The following THSD7A variants were observed in gnomAD, a reference collection of about 807,000 sequenced individuals.
THSD7A encodes the protein thrombospondin type-1 domain-containing protein 7A.
A neutral mutation model predicts 231.3 loss-of-function variants in THSD7A; 96 were observed. The ratio of observed to expected loss-of-function variants is 0.41; its 90% CI spans 0.35 to 0.49. THSD7A has a LOEUF of 0.49. THSD7A is among the 20% of genes least tolerant of loss of function. THSD7A has a pLI of 0.05. For synonymous variants in THSD7A, 940 were observed against 743.3 expected (o/e 1.26, Z -4.30); for missense variants, 2,290 against 2,070.2 (o/e 1.11, Z -2.06).
chr7:11,824,842 T>TGATA (rs1478936265), intron 1 of THSD7A, among the ~76,000 whole-genome samples: 1 of 152,114 alleles, frequency 6.6e-6, no homozygotes, highest in Non-Finnish European at 1.5e-5. Context: ...AATTGAGAAT[T>TGATA]GATAGGTGAC....
At chr7:11,389,305 C>T (rs1317141409) in intron 23 of THSD7A, among the ~76,000 whole-genome samples, 3 of 151,568 alleles carry the variant, frequency 2.0e-5, no homozygotes, top group Non-Finnish European at 2.9e-5. Flanking sequence ...ATATTTAAGA[C>T]AGTTAGCTGT....
chr7:11,817,047 A>G (rs1784723763), intron 1 of THSD7A, among the ~76,000 whole-genome samples: 1 of 152,234 alleles, frequency 6.6e-6, no homozygotes, highest in African/African-American at 2.4e-5. Flanking sequence ...AATGGACATG[A>G]AATAGTTGAA....
At chr7:11,556,444 C>T (rs968086584) in intron 4 of THSD7A, among the ~76,000 whole-genome samples, 3 of 151,636 alleles carry the variant, frequency 2.0e-5, no homozygotes, top group African/African-American at 2.4e-5. Context: ...ATATCGTCTA[C>T]GTATTTTTAG....
At chr7:11,464,885 CAA>C (rs1643875306) in intron 9 of THSD7A, among the ~76,000 whole-genome samples, 1 of 152,116 alleles carries the variant, frequency 6.6e-6, no homozygotes, top group African/African-American at 2.4e-5. Context: ...CTTGTGTACT[CAA>C]AGTTACAGCG....
intron 1 of THSD7A, among the ~76,000 whole-genome samples, chr7:11,673,906 C>A (rs1436545149): frequency 6.6e-6 from 1 of 152,048 alleles, no homozygotes; most frequent in Non-Finnish European, 1.5e-5. Context: ...TCCATGGATA[C>A]CTGCTAGGCT....
chr7:11,777,453 ACACACACT>A (rs1359182251), intron 1 of THSD7A, among the ~76,000 whole-genome samples: 1 of 111,642 alleles, frequency 9.0e-6, no homozygotes, highest in Non-Finnish European at 1.9e-5. Flanking sequence ...ACACACACAC[ACACACACT>A]CTTTAACTGG....
intron 1 of THSD7A, among the ~76,000 whole-genome samples, chr7:11,818,953 A>T (rs368505136): frequency 6.6e-6 from 1 of 152,002 alleles, no homozygotes; most frequent in Non-Finnish European, 1.5e-5. Context: ...TGTGCAGCAC[A>T]CTCTGGACTG....
intron 24 of THSD7A, among the ~76,000 whole-genome samples, chr7:11,381,828 G>A (rs1212853105): frequency 6.6e-6 from 1 of 152,148 alleles, no homozygotes; most frequent in South Asian, 2.1e-4. Flanking sequence ...CCTTCAAGGG[G>A]TCCTTAGGAT....
At chr7:11,763,549 A>G (rs1782932046) in intron 1 of THSD7A, among the ~76,000 whole-genome samples, 1 of 152,194 alleles carries the variant, frequency 6.6e-6, no homozygotes. Flanking sequence ...TATGTATTTT[A>G]CATATACCTA....
At chr7:11,810,912 A>G (rs1377472734) in intron 1 of THSD7A, among the ~76,000 whole-genome samples, 1 of 152,200 alleles carries the variant, frequency 6.6e-6, no homozygotes, top group Non-Finnish European at 1.5e-5. Context: ...GGAAGACTAA[A>G]GACTCCTCAA....
chr7:11,429,306 G>C (rs1784411590), intron 13 of THSD7A, among the ~76,000 whole-genome samples, 181 bp from the exon 14 acceptor site: 1 of 152,198 alleles, frequency 6.6e-6, no homozygotes, highest in Non-Finnish European at 1.5e-5. Context: ...CATACATACA[G>C]TGACTCTGTT....
intron 9 of THSD7A, among the ~76,000 whole-genome samples, chr7:11,466,359 G>T (rs186967060): frequency 1.2e-4 from 19 of 152,050 alleles, no homozygotes; most frequent in African/African-American, 4.6e-4. Flanking sequence ...ATGAAATAAT[G>T]AAAAAAACTA....
intron 6 of THSD7A, among the ~76,000 whole-genome samples, chr7:11,538,613 G>A (rs1455821347): frequency 4.6e-5 from 7 of 152,158 alleles, no homozygotes; most frequent in Non-Finnish European, 7.3e-5. Context: ...CTGCGTTTGT[G>A]TTCAGAGACC....
At chr7:11,539,297 A>T (rs1231236484) in intron 6 of THSD7A, among the ~76,000 whole-genome samples, 1 of 152,234 alleles carries the variant, frequency 6.6e-6, no homozygotes. Context: ...CATAATAAAA[A>T]AATAATTTTC....
In THSD7A at chr7:11,831,868, G is replaced by GCAGCGA; in HGVS notation, c.78_79insTCGCTG (p.Leu26_Pro27insSerLeu). ...AGCAGCGGCAGCGGCAGCGGCAGCG[G>GCAGCGA]CAGCAGCTGCAGGACGCCCCGGCGC... On this transcript the variant is annotated inframe_insertion, in exon 1 of 28. Coordinates refer to ENST00000423059, the MANE Select transcript of THSD7A (RefSeq NM_015204.3). The surrounding 1 kb of genome is among the most constrained non-coding windows in gnomAD (Gnocchi z 5.0). 1 of 1,289,482 alleles carries GCAGCGA rather than the reference G, an allele frequency of 7.8e-7. No individual in the cohort carries two copies. The highest frequency in any genetic ancestry group is 2.7e-5 in the South Asian group (1 of 36,530). The allele number at this position is 1,289,482 out of a possible 1,614,324, so 79.9% of individuals were successfully genotyped here.
chr7:11,446,392 A>C lies in THSD7A; in HGVS notation c.2801-68T>G. The C allele has an allele frequency of 6.7e-7, 1 of 1,498,584 alleles. No individual in the cohort carries two copies. The highest frequency in any genetic ancestry group is 2.3e-5 in the East Asian group (1 of 44,114). The allele number at this position is 1,498,584 out of a possible 1,614,324, so 92.8% of individuals were successfully genotyped here. A position where few individuals can be genotyped will look rare whatever the true frequency, so the allele number is the denominator to read the frequency against. On this transcript the variant is annotated intron_variant, in intron 12 of 27. Transcript: ENST00000423059. This position sits in a 1 kb window ranked among gnomAD's most constrained non-coding sequence, Gnocchi z 4.0. ...CATCATTAATTTCACACATCCCTAA[A>C]TTTTCTGCTTTCCTAATTTCTTTTT...
intron 1 of THSD7A, among the ~76,000 whole-genome samples, chr7:11,739,900 A>C (rs1468405957): frequency 6.6e-6 from 1 of 152,006 alleles, no homozygotes; most frequent in Non-Finnish European, 1.5e-5. Flanking sequence ...GAGGCAGAGA[A>C]GGTGGAAGAG....
rs1583889224 is a variant in THSD7A, at chr7:11,517,012, A to C, written c.1822+24407T>G. On this transcript the variant is annotated intron_variant, in intron 6 of 27. Coordinates refer to ENST00000423059, the MANE Select transcript of THSD7A (RefSeq NM_015204.3). ...CAAAATAATTGTATATGTAATACGC[A>C]TTGCCATCTGTCACATTCATAGGTC... Among the ~76,000 whole-genome samples, 3 of 150,662 alleles carry C rather than the reference A, an allele frequency of 2.0e-5. No homozygotes were observed. The East Asian group carries it at 5.8e-4, about 29-fold the overall frequency.
At chr7:11,376,519 C>T in intron 27 of THSD7A, 51 bp downstream of exon 27, 1 of 1,370,556 alleles carries the variant, frequency 7.3e-7, no homozygotes, top group Non-Finnish European at 1.0e-6. Flanking sequence ...TTTGCTGTTT[C>T]TGTGTTACGA....
Sources: gnomAD v4.1 joint callset for allele counts (sites outside exome capture counted in the v4.1 genomes callset) on GRCh38, gnomAD v4.1.1 for gene constraint, Gnocchi (gnomAD v3.1) non-coding constraint, MANE v1.5 for transcripts, NCBI Gene and HGNC (gene_info 2026-07-23, HGNC 2026-07-21) for gene names.